The following CREB5 variants were observed in gnomAD, a reference collection of about 807,000 sequenced individuals.
CREB5 encodes the protein cyclic AMP-responsive element-binding protein 5.
Under a neutral mutation model 57.1 loss-of-function variants are expected in CREB5, and 19 were observed. That is an observed-to-expected ratio of 0.33 (90% CI 0.23 to 0.49). The LOEUF (loss-of-function observed/expected upper bound fraction) is 0.49. Ranked by LOEUF, CREB5 falls within the 20% of genes least tolerant of loss-of-function variation. The pLI, the probability that CREB5 is intolerant of heterozygous loss-of-function variation, is 0.99. For missense variants in CREB5, 579 were observed against 671.6 expected (o/e 0.86, Z 1.52); for synonymous variants, 238 against 238.3 (o/e 1.00, Z 0.01).
At chr7:28,379,185 T>C (rs1337636648) in intron 1 of CREB5, among the ~76,000 whole-genome samples, 5 of 152,244 alleles carry the variant, frequency 3.3e-5, no homozygotes, top group Non-Finnish European at 7.3e-5. Context: ...AACATGCTTT[T>C]AAATTATCTG....
chr7:28,399,167 G>C (rs561435634), intron 1 of CREB5, among the ~76,000 whole-genome samples: 16 of 152,094 alleles, frequency 1.1e-4, no homozygotes, highest in Admixed American at 5.2e-4. Flanking sequence ...GGCCTTTCTA[G>C]AATCATGAAC....
Position 28,667,142 on chromosome 7 carries a change from C to T in CREB5, c.465-51611C>T, listed in dbSNP as rs117730243. Among the ~76,000 whole-genome samples, 5 of 151,908 alleles carry T rather than the reference C, an allele frequency of 3.3e-5. No individual in the cohort carries two copies. The East Asian group carries it at 7.7e-4, about 24-fold the overall frequency. ...GTGAACAAGCCACTGTAAACAAATC[C>T]GAAAGATATACACCTTCAAACAGTT... On this transcript the variant is annotated intron_variant, in intron 5 of 10. Transcript: ENST00000357727.
intron 5 of CREB5, among the ~76,000 whole-genome samples, chr7:28,697,024 T>TAC (rs1309316243): frequency 2.0e-5 from 3 of 152,074 alleles, no homozygotes; most frequent in Non-Finnish European, 4.4e-5. Flanking sequence ...TATATTTATA[T>TAC]ACACACATAT....
At chr7:28,570,290 T>A (rs1224705173) in intron 4 of CREB5, 75 bp from the exon 5 acceptor site, 6 of 1,488,296 alleles carry the variant, frequency 4.0e-6, no homozygotes. Context: ...TTCCCAGTTT[T>A]GGCCTTTGAG....
rs5883165 is a variant in CREB5, at chr7:28,717,086, C to CTTTTTTTTTTT, written c.465-1658_465-1648dup. Among the ~76,000 whole-genome samples the CTTTTTTTTTTT allele has an allele frequency of 6.0e-4, 66 of 110,202 alleles. 1 individual carries two copies. Among genetic ancestry groups the CTTTTTTTTTTT allele is most frequent in the Admixed American group, 1.0e-3 (9 of 8,610 alleles). 72.3% of individuals were successfully genotyped at this position (110,202 alleles called of 152,430 possible). On this transcript the variant is annotated intron_variant, in intron 5 of 10. Coordinates refer to ENST00000357727, the MANE Select transcript of CREB5 (RefSeq NM_182898.4). ...AATCTCTGCGGAAAGGCTTTATATTCTTTTTTTTTTTTTTTTTTTGAGATG... is the reference window on the plus strand; with the variant it reads ...AATCTCTGCGGAAAGGCTTTATATTCTTTTTTTTTTTTTTTTTTTTTTTTTTTTTTGAGATG...
chr7:28,619,824 G>C (rs1029246433), intron 5 of CREB5, among the ~76,000 whole-genome samples: 3 of 152,198 alleles, frequency 2.0e-5, no homozygotes, highest in Non-Finnish European at 4.4e-5. Flanking sequence ...ACTGAACACA[G>C]AGCCAGACAA....
At chr7:28,512,151 T>C (rs1792735012) in intron 4 of CREB5, among the ~76,000 whole-genome samples, 1 of 152,044 alleles carries the variant, frequency 6.6e-6, no homozygotes, top group Non-Finnish European at 1.5e-5. Flanking sequence ...TCTTTTTAGA[T>C]TTGCTAAGTG....
At chr7:28,447,008 C>G (rs1789513358) in intron 1 of CREB5, among the ~76,000 whole-genome samples, 1 of 152,122 alleles carries the variant, frequency 6.6e-6, no homozygotes, top group Non-Finnish European at 1.5e-5. Context: ...GAGCTTGGAG[C>G]TGGACTCTGC....
intron 4 of CREB5, among the ~76,000 whole-genome samples, chr7:28,560,831 C>CGTGCGTGTGTGTGCGT (rs1562797049): frequency 1.7e-5 from 1 of 58,896 alleles, no homozygotes; most frequent in African/African-American, 6.7e-5. Context: ...TGCGCGCGCG[C>CGTGCGTGTGTGTGCGT]GCGTGTGTGT....
At chr7:28,561,179 C>T (rs897218315) in intron 4 of CREB5, among the ~76,000 whole-genome samples, 3 of 152,096 alleles carry the variant, frequency 2.0e-5, no homozygotes, top group Non-Finnish European at 4.4e-5. Flanking sequence ...ACTCATTGTA[C>T]TGTTCTATAT....
chr7:28,812,931 G>A (rs553122331), intron 9 of CREB5, among the ~76,000 whole-genome samples: 8 of 152,270 alleles, frequency 5.3e-5, no homozygotes, highest in Middle Eastern at 3.4e-3. Flanking sequence ...GTTTTCCAGC[G>A]TAGAACCCTC....
intron 7 of CREB5, among the ~76,000 whole-genome samples, chr7:28,784,364 G>C (rs1330042782): frequency 1.3e-5 from 2 of 152,048 alleles, no homozygotes; most frequent in African/African-American, 2.4e-5. Flanking sequence ...CAGCCAGCTG[G>C]AGTGCAATCA....
At chr7:28,321,854 A>G (rs1785500743) in intron 1 of CREB5, among the ~76,000 whole-genome samples, 1 of 152,236 alleles carries the variant, frequency 6.6e-6, no homozygotes, top group Non-Finnish European at 1.5e-5. Context: ...CCCCCTTCTG[A>G]GTGTGGGACC....
intron 1 of CREB5, among the ~76,000 whole-genome samples, chr7:28,477,450 G>A (rs1317838918): frequency 3.3e-5 from 5 of 152,184 alleles, no homozygotes; most frequent in Admixed American, 6.5e-5. Flanking sequence ...ACGTTCATGC[G>A]TAGGAAGGGC....
At chr7:28,808,915 G>A (rs1808918411) in intron 8 of CREB5, among the ~76,000 whole-genome samples, 1 of 151,980 alleles carries the variant, frequency 6.6e-6, no homozygotes, top group Admixed American at 6.6e-5. Context: ...TCGGCCAAAT[G>A]CCTGTCAGGG....
chr7:28,344,052 T>A (rs1296916674), intron 1 of CREB5, among the ~76,000 whole-genome samples: 3 of 152,154 alleles, frequency 2.0e-5, no homozygotes, highest in Non-Finnish European at 4.4e-5. Context: ...ATTGATTTTT[T>A]TTTTTTTTGC....
intron 7 of CREB5, among the ~76,000 whole-genome samples, chr7:28,729,964 A>G (rs1803523974): frequency 6.6e-6 from 1 of 152,186 alleles, no homozygotes; most frequent in Admixed American, 6.5e-5. Context: ...GGAATTACAT[A>G]AGATTCCATG....
At chr7:28,722,990 A>G (rs191703950) in intron 6 of CREB5, among the ~76,000 whole-genome samples, 55 of 152,336 alleles carry the variant, frequency 3.6e-4, no homozygotes, top group Non-Finnish European at 6.0e-4. Flanking sequence ...ATTTAGTTCA[A>G]TGAGCCCTCT....
intron 7 of CREB5, among the ~76,000 whole-genome samples, chr7:28,759,168 A>G (rs1239399673): frequency 1.3e-5 from 2 of 152,232 alleles, no homozygotes; most frequent in Non-Finnish European, 2.9e-5. Flanking sequence ...ATAAAGATTA[A>G]TTGAGCTTTT....
Sources: gnomAD v4.1 joint callset for allele counts (sites outside exome capture counted in the v4.1 genomes callset) on GRCh38, gnomAD v4.1.1 for gene constraint, MANE v1.5 for transcripts, NCBI Gene and HGNC (gene_info 2026-07-23, HGNC 2026-07-21) for gene names.